The following OSBP2 variants were observed in gnomAD, a reference collection of about 807,000 sequenced individuals.
OSBP2 encodes oxysterol binding protein 2.
In OSBP2, 66 loss-of-function variants were observed where a neutral mutation model predicts 96.0. The ratio of observed to expected loss-of-function variants is 0.69; its 90% confidence interval spans 0.56 to 0.84. OSBP2 has a LOEUF of 0.84. Among genes scored for constraint, OSBP2 ranks in the 40% least tolerant of loss-of-function variants. The probability of loss-of-function intolerance (pLI) is 0.00; values close to 1 mark genes in which losing one functional copy is unlikely to be tolerated. For synonymous variants in OSBP2, 525 were observed against 520.9 expected, an observed-to-expected ratio of 1.01 and a Z score of -0.11; for missense variants, 1,038 against 1,222.7, an observed-to-expected ratio of 0.85 and a Z score of 2.25.
At chr22:30,753,216 G>T (rs2090099159) in intron 2 of OSBP2, among the ~76,000 whole-genome samples, 1 of 152,146 alleles carries the variant, frequency 6.6e-6, no homozygotes, top group South Asian at 2.1e-4. Context: ...ACAGTGTAAG[G>T]TAGGAGGCCC....
chr22:30,803,431 C>T (rs761364592), intron 2 of OSBP2, among the ~76,000 whole-genome samples: 1 of 152,240 alleles, frequency 6.6e-6, no homozygotes, highest in African/African-American at 2.4e-5. Context: ...ATGTCCTCCT[C>T]TCCACCTTGG....
At chr22:30,899,215 CA>C (rs1033568795) in intron 12 of OSBP2, among the ~76,000 whole-genome samples, 6 of 149,042 alleles carry the variant, frequency 4.0e-5, no homozygotes, top group Admixed American at 6.7e-5. Flanking sequence ...CCTGTCTCTA[CA>C]AAAAAAAAAT....
chr22:30,891,413 G>A (rs982049029), intron 8 of OSBP2, among the ~76,000 whole-genome samples: 1 of 152,196 alleles, frequency 6.6e-6, no homozygotes, highest in Non-Finnish European at 1.5e-5. Flanking sequence ...CTTCCCCACA[G>A]AGATATGCCA....
intron 2 of OSBP2, among the ~76,000 whole-genome samples, chr22:30,786,041 T>TGTGC (rs1294134290): frequency 6.6e-6 from 1 of 152,080 alleles, no homozygotes; most frequent in African/African-American, 2.4e-5. Flanking sequence ...TGTGTGTGTG[T>TGTGC]GTACAGAAGT....
intron 2 of OSBP2, among the ~76,000 whole-genome samples, chr22:30,773,721 T>A (rs757055625): frequency 9.9e-5 from 15 of 151,784 alleles, no homozygotes; most frequent in Non-Finnish European, 1.9e-4. Context: ...AGGCTCTGGG[T>A]GTAGAGGCTC....
intron 5 of OSBP2, among the ~76,000 whole-genome samples, chr22:30,888,969 C>T (rs1007888950): frequency 3.3e-5 from 5 of 152,100 alleles, no homozygotes; most frequent in East Asian, 3.9e-4. Flanking sequence ...ATTAAAAATA[C>T]GATATGATAG....
intron 2 of OSBP2, among the ~76,000 whole-genome samples, chr22:30,828,466 G>A (rs1327480190): frequency 6.6e-6 from 1 of 152,208 alleles, no homozygotes; most frequent in Admixed American, 6.5e-5. Context: ...CATGGCCCTG[G>A]CTGCCCACAC....
chr22:30,786,551 G>A (rs182095406), intron 2 of OSBP2, among the ~76,000 whole-genome samples: 4 of 151,962 alleles, frequency 2.6e-5, no homozygotes, highest in African/African-American at 7.3e-5. Flanking sequence ...TTTGAGGGTC[G>A]GGAAGGTTGC....
At chr22:30,819,677 A>T (rs1384271855) in intron 2 of OSBP2, among the ~76,000 whole-genome samples, 2 of 152,148 alleles carry the variant, frequency 1.3e-5, no homozygotes, top group Non-Finnish European at 2.9e-5. Flanking sequence ...AAAGAGAAAT[A>T]GTGTGTGTGT....
At chr22:30,708,088 G>A (rs1018462519) in intron 1 of OSBP2, among the ~76,000 whole-genome samples, 2 of 151,856 alleles carry the variant, frequency 1.3e-5, no homozygotes, top group African/African-American at 2.4e-5. Context: ...GGGTTGTGCC[G>A]TGTTGGCCAG....
chr22:30,903,913 G>C (rs979774846), intron 12 of OSBP2, among the ~76,000 whole-genome samples: 1 of 152,236 alleles, frequency 6.6e-6, no homozygotes, highest in African/African-American at 2.4e-5. Context: ...GTGCAGAGCT[G>C]TCAGGACCTT....
intron 2 of OSBP2, among the ~76,000 whole-genome samples, chr22:30,862,962 CAAAA>C (rs5844927): frequency 7.2e-6 from 1 of 139,822 alleles, no homozygotes. Context: ...GACTCTGTCT[CAAAA>C]AAAAAAAAAA....
chr22:30,865,457 C>T (rs2039315847), intron 2 of OSBP2, among the ~76,000 whole-genome samples: 1 of 151,882 alleles, frequency 6.6e-6, no homozygotes, highest in Non-Finnish European at 1.5e-5. Context: ...AAACCCCATC[C>T]CATCTCTACG....
intron 2 of OSBP2, among the ~76,000 whole-genome samples, chr22:30,766,335 A>T (rs930481173): frequency 2.6e-5 from 4 of 152,234 alleles, no homozygotes; most frequent in African/African-American, 9.6e-5. Flanking sequence ...CGGGACAGCC[A>T]TGCCTCCTTG....
chr22:30,802,797 G>A (rs2145843561), intron 2 of OSBP2, among the ~76,000 whole-genome samples: 1 of 152,342 alleles, frequency 6.6e-6, no homozygotes, highest in Non-Finnish European at 1.5e-5. Flanking sequence ...CTCCTCGGGC[G>A]GTGGGGAGGA....
chr22:30,819,983 C>T (rs1014388295), intron 2 of OSBP2, among the ~76,000 whole-genome samples: 1 of 152,226 alleles, frequency 6.6e-6, no homozygotes, highest in African/African-American at 2.4e-5. Context: ...CCACGATACT[C>T]ATAATGCCTG....
intron 2 of OSBP2, among the ~76,000 whole-genome samples, chr22:30,865,669 C>T (rs1011378440): frequency 7.1e-6 from 1 of 141,478 alleles, no homozygotes; most frequent in Non-Finnish European, 1.5e-5. Flanking sequence ...CAGTTTTGTG[C>T]AAAAGTGAGT....
rs182465379 is a variant in OSBP2 at position 30,725,979 on chromosome 22, C to T, written c.645-15182C>T. Among the ~76,000 whole-genome samples, 19 of 151,998 alleles carry T rather than the reference C, an allele frequency of 1.3e-4. No homozygotes were observed. In the East Asian group the frequency reaches 2.7e-3, roughly 22 times the overall value. The stretch of plus-strand genomic sequence containing the variant: ...ATTTTTAGTAGAGATGGGGTTTCGC[C>T]GTGTTGCCTAGGCTGATCTCAAACT... On this transcript the variant is annotated intron_variant, in intron 1 of 13. Transcript: ENST00000332585.
intron 2 of OSBP2, among the ~76,000 whole-genome samples, chr22:30,865,576 G>C (rs1159555390): frequency 7.6e-6 from 1 of 131,466 alleles, no homozygotes; most frequent in East Asian, 2.3e-4. Flanking sequence ...AGGTTGCAGT[G>C]AACTGAGATC....
Sources: allele counts gnomAD v4.1 joint callset (sites outside exome capture counted in the v4.1 genomes callset), GRCh38; gene constraint gnomAD v4.1.1; transcripts MANE v1.5; gene names NCBI Gene and HGNC (gene_info 2026-07-23, HGNC 2026-07-21).